The following GALNT14 variants were observed in gnomAD, a reference collection of about 807,000 sequenced individuals.
GALNT14 encodes the protein UDP-GalNAc:polypeptide N-acetylgalactosaminyltransferase 14.
A neutral mutation model predicts 77.5 loss-of-function variants in GALNT14; 60 were observed. The observed-to-expected ratio is 0.77, with a 90% CI of 0.63 to 0.96. The LOEUF is 0.96. GALNT14 is among the 40% of genes least tolerant of loss of function. The pLI is 0.00. For synonymous variants in GALNT14, 280 were observed against 281.7 expected, an observed-to-expected ratio of 0.99 and a Z score of 0.06; for missense variants, 710 against 731.0, an observed-to-expected ratio of 0.97 and a Z score of 0.33.
chr2:30,904,298 C>T, the GALNT14 span, among the ~76,000 whole-genome samples: 413 of 152,320 alleles, frequency 2.7e-3, 1 homozygote, highest in African/African-American at 8.6e-3. Flanking sequence ...ATCTGAGGTA[C>T]GGGGTTCATC....
At chr2:31,058,880 A>G (rs1674409398) in intron 1 of GALNT14, among the ~76,000 whole-genome samples, 1 of 152,226 alleles carries the variant, frequency 6.6e-6, no homozygotes, top group African/African-American at 2.4e-5. Flanking sequence ...CAAGTTTTCT[A>G]AGCAATATCT....
chr2:31,073,954 G>A (rs1675592782), intron 1 of GALNT14, among the ~76,000 whole-genome samples: 1 of 152,188 alleles, frequency 6.6e-6, no homozygotes, highest in African/African-American at 2.4e-5. Context: ...CTTAGACCAG[G>A]CTGGCTACCT....
chr2:30,947,061 A>G (rs1004294871), intron 6 of GALNT14, among the ~76,000 whole-genome samples: 2 of 152,062 alleles, frequency 1.3e-5, no homozygotes, highest in Non-Finnish European at 1.5e-5. Context: ...CATCAACCAG[A>G]CCAAATCCTG....
intron 1 of GALNT14, among the ~76,000 whole-genome samples, chr2:31,049,081 C>A (rs1288608268): frequency 7.2e-5 from 11 of 152,206 alleles, no homozygotes; most frequent in Non-Finnish European, 2.9e-5. Flanking sequence ...CCCTCGAGGT[C>A]CCGTAACGTA....
At chr2:30,984,019 T>C (rs931730051) in intron 2 of GALNT14, among the ~76,000 whole-genome samples, 1 of 152,224 alleles carries the variant, frequency 6.6e-6, no homozygotes, top group African/African-American at 2.4e-5. Flanking sequence ...GTGGAGTTAA[T>C]CTGCTAGTCT....
the GALNT14 span, among the ~76,000 whole-genome samples, chr2:30,898,415 A>G: frequency 3.3e-5 from 5 of 152,220 alleles, no homozygotes; most frequent in Non-Finnish European, 2.9e-5. Flanking sequence ...AAGGATGACA[A>G]ACATTTCTGA....
intron 1 of GALNT14, among the ~76,000 whole-genome samples, chr2:31,107,243 C>A (rs1260378450): frequency 6.6e-6 from 1 of 152,144 alleles, no homozygotes; most frequent in Admixed American, 6.5e-5. Flanking sequence ...TTTGCTCACC[C>A]TAGTCCTTAT....
intron 1 of GALNT14, among the ~76,000 whole-genome samples, chr2:31,053,641 G>C (rs1674032901): frequency 6.6e-6 from 1 of 152,060 alleles, no homozygotes; most frequent in African/African-American, 2.4e-5. Context: ...TGAATCCCAG[G>C]ATGGTCCTGC....
intron 1 of GALNT14, 72 bp from the exon 2 acceptor site, chr2:30,993,079 A>G (rs1669818657): frequency 6.6e-7 from 1 of 1,514,580 alleles, no homozygotes; most frequent in East Asian, 2.4e-5. Flanking sequence ...GCCTATCAGT[A>G]CCCAACCCCA....
rs556109348 is a variant in GALNT14, at chr2:31,055,254, T to C, written c.130-62247A>G. Among the ~76,000 whole-genome samples, 3 of 152,362 alleles carry C rather than the reference T, an allele frequency of 2.0e-5. No homozygotes were observed. The South Asian group carries it at 6.2e-4, about 32-fold the overall frequency. Reference sequence around the variant, plus strand: ...AGCACTAATGAAGATCTGGAAAGTGTAAACCCATCAGTGGGGCGCCAGCAT... The same window carrying C: ...AGCACTAATGAAGATCTGGAAAGTGCAAACCCATCAGTGGGGCGCCAGCAT... On this transcript the variant is annotated intron_variant, in intron 1 of 14. Coordinates refer to ENST00000349752, the MANE Select transcript of GALNT14 (RefSeq NM_024572.4).
intron 1 of GALNT14, among the ~76,000 whole-genome samples, chr2:31,051,789 G>A (rs1490752480): frequency 1.3e-5 from 2 of 152,154 alleles, no homozygotes; most frequent in African/African-American, 2.4e-5. Flanking sequence ...GGCTTCCACC[G>A]CTTCCTTGCT....
At chr2:31,026,457 G>A (rs535550620) in intron 1 of GALNT14, among the ~76,000 whole-genome samples, 3 of 152,320 alleles carry the variant, frequency 2.0e-5, no homozygotes, top group African/African-American at 4.8e-5. Context: ...AGACGGACAA[G>A]GAGCGTGGCC....
At chr2:31,079,968 C>T (rs1035399615) in intron 1 of GALNT14, among the ~76,000 whole-genome samples, 1 of 152,238 alleles carries the variant, frequency 6.6e-6, no homozygotes, top group Admixed American at 6.5e-5. Flanking sequence ...TTAGCCAGTC[C>T]CCTGCAACCT....
chr2:31,061,328 A>G (rs1674577524), intron 1 of GALNT14, among the ~76,000 whole-genome samples: 1 of 152,062 alleles, frequency 6.6e-6, no homozygotes, highest in African/African-American at 2.4e-5. Context: ...TCGACCATCA[A>G]ATCTGTTATA....
chr2:30,959,925 A>C (rs1667583180), intron 3 of GALNT14, among the ~76,000 whole-genome samples: 1 of 152,196 alleles, frequency 6.6e-6, no homozygotes, highest in South Asian at 2.1e-4. Context: ...GAATGGGTGC[A>C]GGTGGAGGCG....
At chr2:31,007,134 C>A (rs941601879) in intron 1 of GALNT14, among the ~76,000 whole-genome samples, 21 of 152,144 alleles carry the variant, frequency 1.4e-4, no homozygotes, top group African/African-American at 3.9e-4. Flanking sequence ...CAAAAGCAGA[C>A]CCCGAGTATC....
intron 1 of GALNT14, among the ~76,000 whole-genome samples, chr2:31,019,173 G>A (rs991991841): frequency 7.2e-5 from 11 of 152,004 alleles, no homozygotes; most frequent in African/African-American, 2.7e-4. Context: ...CTCACTTCTG[G>A]GACAGAAGCC....
intron 13 of GALNT14, among the ~76,000 whole-genome samples, chr2:30,919,700 T>A (rs1032027126): frequency 1.3e-5 from 2 of 152,220 alleles, no homozygotes; most frequent in Non-Finnish European, 2.9e-5. Context: ...GAGGGTAGAC[T>A]ATATCCCTAG....
chr2:31,076,152 T>C (rs1234807735), intron 1 of GALNT14, among the ~76,000 whole-genome samples: 1 of 152,180 alleles, frequency 6.6e-6, no homozygotes, highest in Non-Finnish European at 1.5e-5. Flanking sequence ...GGCCAGGACA[T>C]GATGCTGCCC....
Sources: allele counts gnomAD v4.1 joint callset (sites outside exome capture counted in the v4.1 genomes callset), GRCh38; gene constraint gnomAD v4.1.1; transcripts MANE v1.5; gene names NCBI Gene and HGNC (gene_info 2026-07-23, HGNC 2026-07-21).